MGAT4C: variants seen among roughly 807,000 people sequenced by gnomAD.
MGAT4C encodes alpha-1,3-mannosyl-glycoprotein 4-beta-N-acetylglucosaminyltransferase C.
MGAT4C carries 19 observed loss-of-function variants against 40.1 expected under a neutral mutation model. The observed-to-expected ratio is 0.47, with a 90% CI of 0.33 to 0.70. MGAT4C has a LOEUF of 0.70. MGAT4C is among the 30% of genes least tolerant of loss of function. The probability of loss-of-function intolerance (pLI) is 0.02; values close to 1 mark genes in which losing one functional copy is unlikely to be tolerated. For missense variants in MGAT4C, 491 were observed against 563.2 expected, an observed-to-expected ratio of 0.87 and a Z score of 1.30; for synonymous variants, 181 against 187.1, an observed-to-expected ratio of 0.97 and a Z score of 0.27.
chr12:86,138,688 TTCC>T, intron 1 of MGAT4C, among the ~76,000 whole-genome samples: 1 of 146,726 alleles, frequency 6.8e-6, no homozygotes, highest in South Asian at 2.1e-4. Context: ...ATATATATAT[TTCC>T]ATATATATCC....
chr12:86,686,667 G>A (rs1177061730), intron 2 of MGAT4C, among the ~76,000 whole-genome samples: 1 of 152,320 alleles, frequency 6.6e-6, no homozygotes, highest in Non-Finnish European at 1.5e-5. Context: ...AACCAGCCTT[G>A]CATCCCAGGG....
chr12:86,030,564 T>C (rs1186438107), intron 2 of MGAT4C, among the ~76,000 whole-genome samples: 1 of 151,680 alleles, frequency 6.6e-6, no homozygotes, highest in Non-Finnish European at 1.5e-5. Flanking sequence ...GTGTAAAACA[T>C]TGGATTGGGA....
intron 1 of MGAT4C, among the ~76,000 whole-genome samples, chr12:86,137,245 A>G (rs1454838855): frequency 6.6e-6 from 1 of 152,230 alleles, no homozygotes; most frequent in South Asian, 2.1e-4. Flanking sequence ...TCATGGAAAC[A>G]TAAGACTCAA....
At chr12:86,011,088 G>T (rs1888426134) in intron 2 of MGAT4C, among the ~76,000 whole-genome samples, 1 of 152,092 alleles carries the variant, frequency 6.6e-6, no homozygotes, top group Non-Finnish European at 1.5e-5. Context: ...GATAGCAACA[G>T]AAAACACACC....
rs148719692 is a variant in MGAT4C, at chr12:86,443,547, T to C, written c.-228-8282A>G. 3.9e-5 allele frequency among the ~76,000 whole-genome samples: 6 copies of C among 152,242 alleles called. No homozygotes were observed. The East Asian group carries it at 1.2e-3, about 30-fold the overall frequency. On this transcript the variant is annotated intron_variant, in intron 2 of 7. Coordinates refer to the MGAT4C transcript ENST00000548651. Reference sequence around the variant, plus strand: ...TAGCCCCTGTGTAGGAGAGCCCAAATATCAACCCATCCCAACTAGCTACCA... The same window carrying C: ...TAGCCCCTGTGTAGGAGAGCCCAAACATCAACCCATCCCAACTAGCTACCA...
chr12:86,656,333 A>G (rs1220704150), intron 2 of MGAT4C, among the ~76,000 whole-genome samples: 1 of 152,094 alleles, frequency 6.6e-6, no homozygotes, highest in African/African-American at 2.4e-5. Context: ...ACATTTTGAA[A>G]AAAACAAGTA....
At chr12:86,785,581 T>TA (rs1290055666) in intron 1 of MGAT4C, among the ~76,000 whole-genome samples, 2 of 151,994 alleles carry the variant, frequency 1.3e-5, no homozygotes, top group Middle Eastern at 3.4e-3. Context: ...TATGTTTTAG[T>TA]AAAAATATTT....
rs568406087 is a variant in MGAT4C, at chr12:86,427,881, T to G, written c.-120+7276A>C. On this transcript the variant is annotated intron_variant, in intron 3 of 7. Coordinates refer to the MGAT4C transcript ENST00000548651. Reference sequence around the variant, plus strand: ...TAAAAATACACAAAATTAGCTCAGCTTGGTGGCAGGTGCCTGTAGTTCCAG... The same window carrying G: ...TAAAAATACACAAAATTAGCTCAGCGTGGTGGCAGGTGCCTGTAGTTCCAG... 3.3e-5 allele frequency among the ~76,000 whole-genome samples: 5 copies of G among 151,930 alleles called. No individual in the cohort carries two copies. The East Asian group carries it at 5.9e-4, about 18-fold the overall frequency.
rs1592849079 is a variant in MGAT4C at position 86,438,945 on chromosome 12, T to C, written c.-228-3680A>G. ...CAAAAAGATGTTATAAGCTTAAATATATATATGCACTGTAGCTCCCAGATT... is the reference window on the plus strand; with the variant it reads ...CAAAAAGATGTTATAAGCTTAAATACATATATGCACTGTAGCTCCCAGATT... On this transcript the variant is annotated intron_variant, in intron 2 of 7. Coordinates refer to the MGAT4C transcript ENST00000548651. Among the ~76,000 whole-genome samples, 7 of 151,882 alleles carry C rather than the reference T, an allele frequency of 4.6e-5. No homozygotes were observed. The South Asian group carries it at 1.2e-3, about 27-fold the overall frequency.
intron 2 of MGAT4C, among the ~76,000 whole-genome samples, chr12:86,497,893 AAT>A (rs71078904): frequency 0.1 from 13,540 of 133,802 alleles, 902 homozygotes; most frequent in East Asian, 0.23. Context: ...GAAATTCCTA[AAT>A]ATATATATAT....
chr12:86,652,645 T>C (rs1008377478), intron 2 of MGAT4C, among the ~76,000 whole-genome samples: 1 of 151,802 alleles, frequency 6.6e-6, no homozygotes, highest in Non-Finnish European at 1.5e-5. Context: ...TTGCTGACAA[T>C]GACAGCTTAA....
chr12:86,572,390 C>T (rs1472110722), intron 2 of MGAT4C, among the ~76,000 whole-genome samples: 1 of 151,978 alleles, frequency 6.6e-6, no homozygotes, highest in Non-Finnish European at 1.5e-5. Context: ...TTTCTATAAC[C>T]AATATGTCTC....
At chr12:86,535,836 T>C (rs869050028) in intron 2 of MGAT4C, among the ~76,000 whole-genome samples, 1 of 152,024 alleles carries the variant, frequency 6.6e-6, no homozygotes, top group African/African-American at 2.4e-5. Flanking sequence ...TTAGTAATTA[T>C]ACTCTTCAAG....
At chr12:86,055,567 A>G (rs1316922989) in intron 1 of MGAT4C, among the ~76,000 whole-genome samples, 1 of 152,060 alleles carries the variant, frequency 6.6e-6, no homozygotes, top group Admixed American at 6.6e-5. Flanking sequence ...TATAAGAATT[A>G]TCTAATCCCT....
At chr12:86,785,567 T>A (rs935205732) in intron 1 of MGAT4C, among the ~76,000 whole-genome samples, 3 of 151,866 alleles carry the variant, frequency 2.0e-5, no homozygotes, top group Non-Finnish European at 2.9e-5. Context: ...ATTAAAACCT[T>A]TTTTATGTTT....
chr12:86,482,594 C>T (rs1487726828), intron 2 of MGAT4C, among the ~76,000 whole-genome samples: 1 of 151,922 alleles, frequency 6.6e-6, no homozygotes, highest in South Asian at 2.1e-4. Flanking sequence ...TATTTATTCT[C>T]GAGAAAGTAT....
chr12:86,566,547 T>C (rs868757082), intron 2 of MGAT4C, among the ~76,000 whole-genome samples: 4 of 103,696 alleles, frequency 3.9e-5, no homozygotes, highest in East Asian at 2.7e-4. Flanking sequence ...TATATATATA[T>C]ATATATATAT....
chr12:86,242,727 CCA>C (rs1566207771), intron 1 of MGAT4C, among the ~76,000 whole-genome samples: 1 of 151,852 alleles, frequency 6.6e-6, no homozygotes, highest in African/African-American at 2.4e-5. Context: ...CCTAGCTGTC[CCA>C]TCCAACCTTA....
intron 1 of MGAT4C, among the ~76,000 whole-genome samples, chr12:86,075,539 T>C (rs1313767911): frequency 6.6e-6 from 1 of 152,188 alleles, no homozygotes; most frequent in Non-Finnish European, 1.5e-5. Flanking sequence ...TGTGCCTCAA[T>C]AGGGACTCTG....
Sources: gnomAD v4.1 joint callset for allele counts (sites outside exome capture counted in the v4.1 genomes callset) on GRCh38, gnomAD v4.1.1 for gene constraint, MANE v1.5 for transcripts, NCBI Gene and HGNC (gene_info 2026-07-23, HGNC 2026-07-21) for gene names.